Variants in ADAMTS4 observed in about 807,000 individuals in gnomAD.
The protein encoded by ADAMTS4 is A disintegrin and metalloproteinase with thrombospondin motifs 4.
Under a neutral mutation model 66.7 loss-of-function variants are expected in ADAMTS4, and 38 were observed. The observed-to-expected ratio is 0.57, with a 90% CI of 0.44 to 0.75. The LOEUF is 0.75. Ranked by LOEUF, ADAMTS4 falls within the 30% of genes least tolerant of loss-of-function variation. The pLI is 0.00. For missense variants in ADAMTS4, 1,014 were observed against 1,116.7 expected, an observed-to-expected ratio of 0.91 and a Z score of 1.31; for synonymous variants, 418 against 461.5, an observed-to-expected ratio of 0.91 and a Z score of 1.21.
rs531394215 is a variant in ADAMTS4 at position 161,185,453 on chromosome 1, C to G, written c.*5685G>C. The G allele has an allele frequency of 1.3e-5, 2 of 151,620 alleles. No individual in the cohort carries two copies. Among genetic ancestry groups the G allele is most frequent in the African/African-American group, 4.9e-5 (2 of 41,210 alleles). 9.4% of individuals were successfully genotyped at this position (151,620 alleles called of 1,614,324 possible). A position where few individuals can be genotyped will look rare whatever the true frequency, so the allele number is the denominator to read the frequency against. Reference sequence around the variant, plus strand: ...TTGTTGCTCCCCCGCCTTCCCTGACCCCCCTCTTTCTGAGCATTTTTAGCA... The same window carrying G: ...TTGTTGCTCCCCCGCCTTCCCTGACGCCCCTCTTTCTGAGCATTTTTAGCA... On this transcript the variant is annotated 3_prime_UTR_variant, in exon 9 of 9. Transcript: ENST00000367996.
chr1:161,185,522 A>G lies in ADAMTS4; in HGVS notation c.*5616T>C, dbSNP rs1664527188. On this transcript the variant is annotated 3_prime_UTR_variant, in exon 9 of 9. Transcript: ENST00000367996. ...TGTCATCTGGTTTCTCGTGGTGCCA[A>G]TGATTTTGGCTTGGCCCCAGCAACA... 1 of 151,362 alleles carries G rather than the reference A, an allele frequency of 6.6e-6. No individual in the cohort carries two copies. Among genetic ancestry groups the G allele is most frequent in the African/African-American group, 2.4e-5 (1 of 41,126 alleles). 9.4% of individuals were successfully genotyped at this position (151,362 alleles called of 1,614,324 possible). A position where few individuals can be genotyped will look rare whatever the true frequency, so the allele number is the denominator to read the frequency against.
Position 161,190,922 on chromosome 1 carries a change from C to T in ADAMTS4, c.*216G>A, listed in dbSNP as rs1363171612. On this transcript the variant is annotated 3_prime_UTR_variant, in exon 9 of 9. Transcript: ENST00000367996. ...GGGGGCAGTTTAGATGGAGGGCTGT[C>T]TGTCAGCCCCTTCCATCCACTAACC... is the stretch of plus-strand genomic sequence containing the variant. The T allele has an allele frequency of 2.6e-4, 134 of 514,240 alleles. No homozygotes were observed. The East Asian group carries it at 4.0e-3, about 15-fold the overall frequency. 31.9% of individuals were successfully genotyped at this position (514,240 alleles called of 1,614,324 possible).
At position 161,186,525 on chromosome 1, in the gene ADAMTS4, G is replaced by A. The variant is rs781095571; in HGVS notation, c.*4613C>T. ...TATGCCAGTGAGAACCCTACTTGGT[G>A]AGCGAAGGGCTTTCTCTTAAAATAA... On this transcript the variant is annotated 3_prime_UTR_variant, in exon 9 of 9. Coordinates refer to ENST00000367996, the MANE Select transcript of ADAMTS4 (RefSeq NM_005099.6). 8 of 151,860 alleles carry A rather than the reference G, an allele frequency of 5.3e-5. No individual in the cohort carries two copies. Among genetic ancestry groups the A allele is most frequent in the African/African-American group, 2.4e-5 (1 of 41,446 alleles). The allele number at this position is 151,860 out of a possible 1,614,324, so 9.4% of individuals were successfully genotyped here. A position where few individuals can be genotyped will look rare whatever the true frequency, so the allele number is the denominator to read the frequency against.
Position 161,191,306 on chromosome 1 carries a change from T to C in ADAMTS4, c.2346A>G (p.Thr782=). ...GGTTGCCAGCCACTAGGACTTGCAGTGTCAAAGGCTGGGCCAGTGGCCCAT... is the reference window on the plus strand; with the variant it reads ...GGTTGCCAGCCACTAGGACTTGCAGCGTCAAAGGCTGGGCCAGTGGCCCAT... ...SGHGPLAQPL[T]LQVLVAGNPQ... Residue 782 remains threonine (T), a synonymous_variant, in exon 9 of 9, where the codon ACA becomes ACG. Coordinates refer to ENST00000367996, the MANE Select transcript of ADAMTS4 (RefSeq NM_005099.6). 1 of 1,613,972 alleles carries C rather than the reference T, an allele frequency of 6.2e-7. No individual in the cohort carries two copies. The highest frequency in any genetic ancestry group is 1.6e-4 in the Middle Eastern group (1 of 6,062).
intron 1 of ADAMTS4, chr1:161,197,526 G>A (rs1047277208): frequency 1.8e-5 from 3 of 163,144 alleles, no homozygotes; most frequent in African/African-American, 7.2e-5. Flanking sequence ...TCCTGCCCTA[G>A]TTTGCAGTTT....
In ADAMTS4 at chr1:161,191,483, C is replaced by T. The variant is rs1484443114; in HGVS notation, c.2169G>A (p.Arg723=). Residue 723 remains arginine (R), a synonymous_variant, in exon 9 of 9, where the codon CGG becomes CGA. Transcript: ENST00000367996. ...GCAGCTTCAGGGCCAAGTAGATGCT[C>T]CGGTGGCCAGGGTTTCCCTGCTGCC... The part of the protein sequence containing the change: ...LVRQQGNPGH[R]SIYLALKLPD... 2.5e-6 allele frequency: 4 copies of T among 1,614,136 alleles called. No individual in the cohort carries two copies. Among genetic ancestry groups the T allele is most frequent in the Non-Finnish European group, 3.4e-6 (4 of 1,179,984 alleles).
intron 7 of ADAMTS4, 91 bp from the exon 8 acceptor site, chr1:161,192,331 C>A: frequency 7.5e-7 from 1 of 1,335,858 alleles, no homozygotes; most frequent in Non-Finnish European, 1.0e-6. Flanking sequence ...ATCAGGGAAG[C>A]AATGTTGTCG....
rs760303566 is a variant in ADAMTS4, at chr1:161,190,879, T to C, written c.*259A>G. 1.2e-5 allele frequency: 5 copies of C among 410,700 alleles called. No individual in the cohort carries two copies. The highest frequency in any genetic ancestry group is 2.2e-5 in the Non-Finnish European group (5 of 228,692). 25.4% of individuals were successfully genotyped at this position (410,700 alleles called of 1,614,324 possible). A position where few individuals can be genotyped will look rare whatever the true frequency, so the allele number is the denominator to read the frequency against. On this transcript the variant is annotated 3_prime_UTR_variant, in exon 9 of 9. Coordinates refer to ENST00000367996, the MANE Select transcript of ADAMTS4 (RefSeq NM_005099.6). ...CCCTCCCTGCCTTCCCCCTCCCTCC[T>C]GTGACCCGCAGGGCAGAGGGGGCAG...
Position 161,198,692 on chromosome 1 carries a change from C to T in ADAMTS4, c.-65G>A. 1 of 1,385,044 alleles carries T rather than the reference C, an allele frequency of 7.2e-7. No individual in the cohort carries two copies. The highest frequency in any genetic ancestry group is 2.5e-5 in the East Asian group (1 of 39,670). The allele number at this position is 1,385,044 out of a possible 1,614,324, so 85.8% of individuals were successfully genotyped here. A position where few individuals can be genotyped will look rare whatever the true frequency, so the allele number is the denominator to read the frequency against. On this transcript the variant is annotated 5_prime_UTR_variant, in exon 1 of 9. Coordinates refer to ENST00000367996, the MANE Select transcript of ADAMTS4 (RefSeq NM_005099.6). The surrounding 1 kb of genome is among the most constrained non-coding windows in gnomAD (Gnocchi z 4.7). ...GGGCACCAAGTCCTCCACACCCTAG[C>T]TTTGGAAAGCTCCTCTCTGTAGCCT...
intron 1 of ADAMTS4, 145 bp from the exon 2 acceptor site, chr1:161,197,025 C>T (rs552590161): frequency 5.8e-5 from 45 of 781,346 alleles, no homozygotes; most frequent in South Asian, 3.9e-4. Context: ...TGACTCCTGG[C>T]GGGTCTTGGT....
In ADAMTS4 at chr1:161,192,111, C is replaced by G; in HGVS notation, c.2041G>C (p.Asp681His). The G allele has an allele frequency of 6.2e-7, 1 of 1,614,098 alleles. No individual in the cohort carries two copies. Among genetic ancestry groups the G allele is most frequent in the East Asian group, 2.2e-5 (1 of 44,864 alleles). ...GACTGCTTGCTGCAACCAGAACCGT[C>G]CCCTCCGCACACCATGCACTTGTCA... Reference protein sequence around the residue: ...KFDKCMVCGGDGSGCSKQSGS... With the variant: ...KFDKCMVCGGHGSGCSKQSGS... The change falls in exon 8 of 9, where the codon GAC (aspartate) becomes CAC (histidine). Residue 681 changes from aspartate to histidine, a missense_variant. Physicochemically the swap from Asp to His is moderately conservative, Grantham distance 81. Coordinates refer to ENST00000367996, the MANE Select transcript of ADAMTS4 (RefSeq NM_005099.6).
intron 1 of ADAMTS4, 59 bp downstream of exon 1, chr1:161,197,936 G>A (rs1192868758): frequency 4.6e-6 from 7 of 1,514,088 alleles, no homozygotes; most frequent in Non-Finnish European, 2.7e-6. Flanking sequence ...GTGAATAGGG[G>A]TCAGTAGGAC....
intron 1 of ADAMTS4, 81 bp downstream of exon 1, chr1:161,197,914 G>A: frequency 1.3e-6 from 2 of 1,504,388 alleles, no homozygotes; most frequent in Non-Finnish European, 1.8e-6. Context: ...AGTGTAAGTG[G>A]GTGGAGAGAG....
intron 3 of ADAMTS4, chr1:161,195,934 G>GACACACAC (rs57224018): frequency 7.9e-4 from 350 of 440,254 alleles, no homozygotes; most frequent in African/African-American, 2.7e-3. Flanking sequence ...CACACACACA[G>GACACACAC]ACACACACAC....
rs1558078469 is a variant in ADAMTS4 at position 161,198,435 on chromosome 1, C to T, written c.193G>A (p.Glu65Lys). The T allele has an allele frequency of 6.3e-7, 1 of 1,589,914 alleles. No homozygotes were observed. Among genetic ancestry groups the T allele is most frequent in the Non-Finnish European group, 8.6e-7 (1 of 1,168,534 alleles). The change falls in exon 1 of 9, where the codon GAG becomes AAG. Residue 65 changes from glutamate to lysine, a missense_variant. Transcript: ENST00000367996. The surrounding 1 kb of genome is among the most constrained non-coding windows in gnomAD (Gnocchi z 4.7). The stretch of plus-strand genomic sequence containing the variant: ...GGCAGGACGCTGCCGTTGAGCTTCT[C>T]TGGAAACACGATCTCCTCCTCCCGG... ...LPREEEIVFP[E>K]KLNGSVLPGS...
In ADAMTS4 at chr1:161,185,940, A is replaced by G. The variant is rs759996495; in HGVS notation, c.*5198T>C. ...ACTTATTGCTTCAACTTCCTCCCCC[A>G]CCTCAAACACATACTCATGCACAAC... On this transcript the variant is annotated 3_prime_UTR_variant, in exon 9 of 9. Transcript: ENST00000367996. 5.9e-5 allele frequency: 9 copies of G among 152,144 alleles called. No individual in the cohort carries two copies. The highest frequency in any genetic ancestry group is 8.8e-5 in the Non-Finnish European group (6 of 68,018). 9.4% of individuals were successfully genotyped at this position (152,144 alleles called of 1,614,324 possible). A position where few individuals can be genotyped will look rare whatever the true frequency, so the allele number is the denominator to read the frequency against.
chr1:161,192,211 G>C lies in ADAMTS4; in HGVS notation c.1941C>G (p.Asp647Glu). ...RVVDGTPCSP[D>E]SSSVCVQGRC... Reference sequence around the variant, plus strand: ...GGCCCTGGACACAGACCGAGGAGCTGTCCGGGGAACAGGGGGTCCCATCTA... The same window carrying C: ...GGCCCTGGACACAGACCGAGGAGCTCTCCGGGGAACAGGGGGTCCCATCTA... The change falls in exon 8 of 9, where the codon GAC becomes GAG. Residue 647 changes from aspartate (D) to glutamate (E), a missense_variant. Transcript: ENST00000367996. The C allele has an allele frequency of 6.2e-7, 1 of 1,614,054 alleles. No homozygotes were observed. Among genetic ancestry groups the C allele is most frequent in the Non-Finnish European group, 8.5e-7 (1 of 1,179,992 alleles).
chr1:161,197,896 C>T (rs1055709477), intron 1 of ADAMTS4, 99 bp downstream of exon 1: 40 of 1,481,898 alleles, frequency 2.7e-5, no homozygotes, highest in East Asian at 4.6e-5. Flanking sequence ...GGAAGCAGAA[C>T]GGCCAGAAGT....
At chr1:161,197,110 GGGA>G in intron 1 of ADAMTS4, 1 of 516,540 alleles carries the variant, frequency 1.9e-6, no homozygotes, top group Non-Finnish European at 3.4e-6. Context: ...TTCTAAGAAG[GGGA>G]GGAGAAGGGG....
Sources: gnomAD v4.1 joint callset for allele counts on GRCh38, gnomAD v4.1.1 for gene constraint, Gnocchi (gnomAD v3.1) non-coding constraint, MANE v1.5 for transcripts, NCBI Gene and HGNC (gene_info 2026-07-23, HGNC 2026-07-21) for gene names.